Variants in LATS1 observed in about 807,000 individuals in gnomAD.
The protein encoded by LATS1 is serine/threonine-protein kinase LATS1.
LATS1 carries 25 observed loss-of-function variants against 106.6 expected under a neutral mutation model. That is an observed-to-expected ratio of 0.23 (90% CI 0.17 to 0.33). The LOEUF (loss-of-function observed/expected upper bound fraction) is 0.33. Among genes scored for constraint, LATS1 ranks in the 10% least tolerant of loss-of-function variants. The pLI, the probability that LATS1 is intolerant of heterozygous loss-of-function variation, is 1.00. For missense variants in LATS1, 1,040 were observed against 1,382.6 expected (o/e 0.75, Z 3.93); for synonymous variants, 465 against 455.6 (o/e 1.02, Z -0.26).
intron 1 of LATS1, among the ~76,000 whole-genome samples, chr6:149,708,334 G>A (rs909215476): frequency 1.3e-5 from 2 of 149,974 alleles, no homozygotes; most frequent in Admixed American, 1.3e-4. Flanking sequence ...AGAATCGCTT[G>A]AACCACAGAG....
intron 3 of LATS1, among the ~76,000 whole-genome samples, chr6:149,690,116 G>A (rs906030583): frequency 6.6e-6 from 1 of 151,712 alleles, no homozygotes; most frequent in African/African-American, 2.4e-5. Context: ...TGAGGATTGA[G>A]AAACATTTAT....
intron 1 of LATS1, among the ~76,000 whole-genome samples, chr6:149,710,972 G>C (rs1784053589): frequency 1.3e-5 from 2 of 152,188 alleles, no homozygotes; most frequent in East Asian, 3.8e-4. Context: ...GACCCCTAGA[G>C]GCAGGATTAA....
Position 149,683,159 on chromosome 6 carries a change from C to T in LATS1, c.1930G>A (p.Glu644Lys). The T allele has an allele frequency of 6.2e-7, 1 of 1,613,246 alleles. No individual in the cohort carries two copies. Among genetic ancestry groups the T allele is most frequent in the Non-Finnish European group, 8.5e-7 (1 of 1,179,366 alleles). ...YSPQAFKFFM[E>K]QHVENVLKSH... ...TTGAGTACATTTTCTACATGTTGCT[C>T]CATAAAGAATTTAAATGCTTGAGGA... The change falls in exon 4 of 8, where the codon GAG becomes AAG. Residue 644 changes from glutamate (E) to lysine (K), a missense_variant. This residue lies in a region of LATS1 where 167 missense variants were observed against 332.1 expected (regional missense o/e 0.50). Coordinates refer to ENST00000543571, the MANE Select transcript of LATS1 (RefSeq NM_004690.4).
chr6:149,699,876 C>T (rs927573080), intron 2 of LATS1, among the ~76,000 whole-genome samples: 8 of 152,046 alleles, frequency 5.3e-5, no homozygotes, highest in Admixed American at 2.6e-4. Flanking sequence ...CCACTTGGGG[C>T]CTTTATAGCT....
intron 3 of LATS1, among the ~76,000 whole-genome samples, chr6:149,685,121 C>T (rs1299039486): frequency 6.6e-6 from 1 of 151,978 alleles, no homozygotes; most frequent in East Asian, 1.9e-4. Flanking sequence ...ACCTGTAGTC[C>T]CAGCCACTCG....
intron 3 of LATS1, among the ~76,000 whole-genome samples, chr6:149,690,340 A>C (rs1174273011): frequency 6.8e-6 from 1 of 147,756 alleles, no homozygotes; most frequent in Non-Finnish European, 1.5e-5. Flanking sequence ...CAGCCTCCCC[A>C]GTAGCTGGGA....
At chr6:149,690,634 C>A (rs1782689814) in intron 3 of LATS1, among the ~76,000 whole-genome samples, 1 of 151,790 alleles carries the variant, frequency 6.6e-6, no homozygotes, top group Non-Finnish European at 1.5e-5. Flanking sequence ...GCAGCCTCAA[C>A]TTTCTGGGTA....
intron 3 of LATS1, among the ~76,000 whole-genome samples, chr6:149,684,851 CATGTT>C (rs1313472812): frequency 3.3e-5 from 5 of 151,780 alleles, no homozygotes; most frequent in Non-Finnish European, 5.9e-5. Flanking sequence ...GGTAATAATA[CATGTT>C]ATTTGGCTCA....
At chr6:149,714,591 AAT>A (rs1354457791) in intron 1 of LATS1, among the ~76,000 whole-genome samples, 1 of 152,244 alleles carries the variant, frequency 6.6e-6, no homozygotes, top group Non-Finnish European at 1.5e-5. Context: ...AATTTCCAGC[AAT>A]AGGTAATTCA....
chr6:149,711,249 A>AT (rs1204989647), intron 1 of LATS1, among the ~76,000 whole-genome samples: 1 of 151,086 alleles, frequency 6.6e-6, no homozygotes, highest in African/African-American at 2.4e-5. Context: ...TTAAAAAAAA[A>AT]AAAAATATCT....
chr6:149,682,473 G>A (rs372442507), intron 4 of LATS1, among the ~76,000 whole-genome samples: 36 of 148,336 alleles, frequency 2.4e-4, no homozygotes, highest in East Asian at 8.1e-4. Flanking sequence ...GTGCAGTGGC[G>A]CGATCTCGGC....
At position 149,660,320 on chromosome 6, in the gene LATS1, C is replaced by T. The variant is rs1780839866; in HGVS notation, c.*1409G>A. The T allele has an allele frequency of 4.3e-6, 1 of 233,084 alleles. No individual in the cohort carries two copies. Among genetic ancestry groups the T allele is most frequent in the African/African-American group, 2.2e-5 (1 of 45,436 alleles). The allele number at this position is 233,084 out of a possible 1,614,324, so 14.4% of individuals were successfully genotyped here. ...GTGTGGGCTAATAAGTGTTCTTTGC[C>T]CTAACTCTCCAATTCAACTGCAACA... On this transcript the variant is annotated 3_prime_UTR_variant, in exon 8 of 8. Coordinates refer to ENST00000543571, the MANE Select transcript of LATS1 (RefSeq NM_004690.4).
At chr6:149,669,684 G>A (rs1236233923) in intron 7 of LATS1, among the ~76,000 whole-genome samples, 1 of 151,834 alleles carries the variant, frequency 6.6e-6, no homozygotes, top group Non-Finnish European at 1.5e-5. Context: ...TCTTGAACCC[G>A]GGAGGCAGAG....
chr6:149,669,011 C>T (rs1215216147), intron 7 of LATS1, among the ~76,000 whole-genome samples: 2 of 151,854 alleles, frequency 1.3e-5, no homozygotes, highest in African/African-American at 4.9e-5. Flanking sequence ...TTTGTAGAGA[C>T]AGGGTCTTAC....
At chr6:149,699,232 T>G (rs1210944895) in intron 2 of LATS1, among the ~76,000 whole-genome samples, 1 of 152,132 alleles carries the variant, frequency 6.6e-6, no homozygotes, top group Non-Finnish European at 1.5e-5. Context: ...CCAGAATGAG[T>G]GATTCAAGGA....
intron 1 of LATS1, among the ~76,000 whole-genome samples, chr6:149,714,269 G>A (rs1374065980): frequency 6.6e-6 from 1 of 152,038 alleles, no homozygotes; most frequent in African/African-American, 2.4e-5. Context: ...ACCACGCCCA[G>A]CTATTATTAT....
At chr6:149,671,556 C>T (rs927058379) in intron 7 of LATS1, among the ~76,000 whole-genome samples, 3 of 151,972 alleles carry the variant, frequency 2.0e-5, no homozygotes, top group Non-Finnish European at 4.4e-5. Flanking sequence ...GGTCTTATGT[C>T]TGCATTCTAT....
chr6:149,663,111 C>T (rs1200032321), intron 7 of LATS1, among the ~76,000 whole-genome samples: 1 of 152,146 alleles, frequency 6.6e-6, no homozygotes, highest in African/African-American at 2.4e-5. Flanking sequence ...TGGTATACAA[C>T]TCCAAGTACG....
chr6:149,681,446 T>C (rs1306860192), intron 4 of LATS1, among the ~76,000 whole-genome samples: 2 of 152,206 alleles, frequency 1.3e-5, no homozygotes, highest in Admixed American at 6.5e-5. Flanking sequence ...CTGTTTCTCT[T>C]AAAATCTTAC....
Sources: gnomAD v4.1 joint callset for allele counts (sites outside exome capture counted in the v4.1 genomes callset) on GRCh38, gnomAD v4.1.1 for gene constraint, gnomAD v4.1.1 regional missense constraint, MANE v1.5 for transcripts, NCBI Gene and HGNC (gene_info 2026-07-23, HGNC 2026-07-21) for gene names.